The following HORMAD2 variants were observed in gnomAD, a reference collection of about 807,000 sequenced individuals.
The protein encoded by HORMAD2 is HORMA domain containing 2.
HORMAD2 carries 45 observed loss-of-function variants against 38.8 expected under a neutral mutation model. The observed-to-expected ratio is 1.16, with a 90% CI of 0.91 to 1.49. The LOEUF (loss-of-function observed/expected upper bound fraction) is 1.49, where lower values mean the gene tolerates loss of function less well. Among genes scored for constraint, HORMAD2 ranks in the 40% most tolerant of loss-of-function variants. The probability of loss-of-function intolerance (pLI) is 0.00; values close to 1 mark genes in which losing one functional copy is unlikely to be tolerated. For synonymous variants in HORMAD2, 126 were observed against 122.8 expected, an observed-to-expected ratio of 1.03 and a Z score of -0.17; for missense variants, 338 against 367.0, an observed-to-expected ratio of 0.92 and a Z score of 0.65.
At chr22:30,143,929 G>A (rs1360541923) in intron 10 of HORMAD2, among the ~76,000 whole-genome samples, 1 of 152,126 alleles carries the variant, frequency 6.6e-6, no homozygotes, top group African/African-American at 2.4e-5. Flanking sequence ...TGAGACACCT[G>A]CTCCCCCTTT....
At chr22:30,194,683 G>T in the HORMAD2 span, among the ~76,000 whole-genome samples, 1 of 152,188 alleles carries the variant, frequency 6.6e-6, no homozygotes, top group African/African-American at 2.4e-5. Flanking sequence ...TATAATGCAG[G>T]TGAAGCCAGG....
chr22:30,095,752 A>G (rs1000010554), intron 2 of HORMAD2, among the ~76,000 whole-genome samples: 3 of 152,220 alleles, frequency 2.0e-5, no homozygotes, highest in African/African-American at 7.2e-5. Context: ...AAAGAACTGC[A>G]TAAGACAACA....
chr22:30,088,409 T>C (rs1485198979), intron 1 of HORMAD2, among the ~76,000 whole-genome samples: 1 of 151,528 alleles, frequency 6.6e-6, no homozygotes, highest in East Asian at 1.9e-4. Context: ...CAATAGCAAG[T>C]GTCCTGAATG....
chr22:30,088,116 T>TACACAC (rs370590549), intron 1 of HORMAD2, among the ~76,000 whole-genome samples: 18 of 150,152 alleles, frequency 1.2e-4, no homozygotes, highest in Non-Finnish European at 2.4e-4. Context: ...CGTGTACATA[T>TACACAC]ACACACACGT....
the HORMAD2 span, among the ~76,000 whole-genome samples, chr22:30,204,280 C>CA: frequency 6.6e-6 from 1 of 152,182 alleles, no homozygotes. Context: ...ACCCAAGAGC[C>CA]AGCACCCTGG....
intron 1 of HORMAD2, among the ~76,000 whole-genome samples, chr22:30,085,918 A>G (rs2068562943): frequency 6.6e-6 from 1 of 152,210 alleles, no homozygotes. Context: ...ACTTCGTAAT[A>G]GTGGTAGTGG....
chr22:30,086,608 C>T (rs893254272), intron 1 of HORMAD2, among the ~76,000 whole-genome samples: 4 of 152,092 alleles, frequency 2.6e-5, no homozygotes, highest in African/African-American at 9.7e-5. Context: ...TGGGAAAATG[C>T]ATAGTCGAGT....
At chr22:30,111,162 AAAAAAAAG>A (rs1475649068) in intron 5 of HORMAD2, among the ~76,000 whole-genome samples, 1 of 151,010 alleles carries the variant, frequency 6.6e-6, no homozygotes, top group African/African-American at 2.4e-5. Flanking sequence ...CAAAAAAAAA[AAAAAAAAG>A]AAAGAAAGAA....
At chr22:30,167,743 A>G (rs934602160) in intron 10 of HORMAD2, among the ~76,000 whole-genome samples, 2 of 152,182 alleles carry the variant, frequency 1.3e-5, no homozygotes, top group African/African-American at 2.4e-5. Flanking sequence ...ATCAACCCCA[A>G]ATAGAAACTT....
intron 10 of HORMAD2, among the ~76,000 whole-genome samples, 167 bp downstream of exon 10, chr22:30,122,381 A>G (rs2146131222): frequency 6.6e-6 from 1 of 152,344 alleles, no homozygotes; most frequent in Non-Finnish European, 1.5e-5. Flanking sequence ...ATCTTCTAAA[A>G]GGAAATATAC....
At chr22:30,081,809 T>C (rs1417867682) in intron 1 of HORMAD2, among the ~76,000 whole-genome samples, 1 of 152,076 alleles carries the variant, frequency 6.6e-6, no homozygotes, top group African/African-American at 2.4e-5. Flanking sequence ...ATAGTCTCGA[T>C]CTCTTGACCT....
At chr22:30,103,914 C>T (rs1920998922) in intron 4 of HORMAD2, among the ~76,000 whole-genome samples, 1 of 151,814 alleles carries the variant, frequency 6.6e-6, no homozygotes, top group Admixed American at 6.6e-5. Flanking sequence ...ACCACCTTGG[C>T]CCCCCAAAGT....
At chr22:30,150,232 A>T (rs1265722614) in intron 10 of HORMAD2, among the ~76,000 whole-genome samples, 2 of 152,008 alleles carry the variant, frequency 1.3e-5, no homozygotes, top group Non-Finnish European at 2.9e-5. Context: ...CCAATTTTCC[A>T]TATGTTTATG....
At chr22:30,182,015 A>G (rs552873163), downstream of HORMAD2, among the ~76,000 whole-genome samples, 1 of 152,338 alleles carries the variant, frequency 6.6e-6, no homozygotes, top group South Asian at 2.1e-4. Flanking sequence ...TTGAATTTCA[A>G]TGGAGATTTT....
intron 8 of HORMAD2, among the ~76,000 whole-genome samples, chr22:30,119,675 T>C (rs1215616055): frequency 1.3e-5 from 2 of 152,140 alleles, no homozygotes; most frequent in African/African-American, 4.8e-5. Context: ...TAAGTATTGC[T>C]GATGAGATGG....
At chr22:30,142,887 A>T (rs1262768199) in intron 10 of HORMAD2, among the ~76,000 whole-genome samples, 1 of 152,092 alleles carries the variant, frequency 6.6e-6, no homozygotes, top group Non-Finnish European at 1.5e-5. Flanking sequence ...AACTTATCAG[A>T]ATCAGTTTCA....
intron 7 of HORMAD2, among the ~76,000 whole-genome samples, chr22:30,114,380 G>A (rs932248951): frequency 1.3e-5 from 2 of 152,166 alleles, no homozygotes; most frequent in African/African-American, 4.8e-5. Flanking sequence ...TAATTACAAT[G>A]TAACTACTAC....
the HORMAD2 span, among the ~76,000 whole-genome samples, chr22:30,187,582 C>T: frequency 6.6e-6 from 1 of 150,958 alleles, no homozygotes; most frequent in Non-Finnish European, 1.5e-5. Context: ...AATATTCTCT[C>T]ATAGAAGATA....
At chr22:30,091,552 T>C (rs2068687281) in intron 1 of HORMAD2, among the ~76,000 whole-genome samples, 1 of 151,980 alleles carries the variant, frequency 6.6e-6, no homozygotes, top group African/African-American at 2.4e-5. Flanking sequence ...AGACATGAGC[T>C]GCCACCCCGG....
Sources: allele counts gnomAD v4.1 joint callset (sites outside exome capture counted in the v4.1 genomes callset), GRCh38; gene constraint gnomAD v4.1.1; transcripts MANE v1.5; gene names NCBI Gene and HGNC (gene_info 2026-07-23, HGNC 2026-07-21).